The following SH3BP4 variants were observed in gnomAD, a reference collection of about 807,000 sequenced individuals.
SH3BP4 encodes SH3 domain binding protein 4.
In SH3BP4, 33 loss-of-function variants were observed where a neutral mutation model predicts 65.5. The observed-to-expected ratio is 0.50, with a 90% CI of 0.38 to 0.67. The LOEUF is 0.67. Among genes scored for constraint, SH3BP4 ranks in the 30% least tolerant of loss-of-function variants. The pLI is 0.00. For missense variants in SH3BP4, 1,134 were observed against 1,261.4 expected (o/e 0.90, Z 1.53); for synonymous variants, 552 against 545.5 (o/e 1.01, Z -0.17).
Position 234,974,432 on chromosome 2 carries a change from C to G in SH3BP4, c.-206-20871C>G, listed in dbSNP as rs536592048. Among the ~76,000 whole-genome samples, 3 of 152,268 alleles carry G rather than the reference C, an allele frequency of 2.0e-5. No homozygotes were observed. Among genetic ancestry groups the G allele is most frequent in the Admixed American group, 6.5e-5 (1 of 15,296 alleles). On this transcript the variant is annotated intron_variant, in intron 1 of 5. Transcript: ENST00000392011. This position sits in a 1 kb window ranked among gnomAD's most constrained non-coding sequence, Gnocchi z 4.6. ...TCATGAGTTCCAGCCCATTTCACTG[C>G]TCCATAAAATGCTACGTTGGTGAAA...
intron 1 of SH3BP4, among the ~76,000 whole-genome samples, chr2:234,957,715 CG>C (rs982922658): frequency 5.3e-5 from 8 of 151,830 alleles, no homozygotes; most frequent in African/African-American, 1.7e-4. Context: ...GAAAGCTTCC[CG>C]GGTGACTGTA....
At chr2:235,003,474 G>T (rs1017178502) in intron 2 of SH3BP4, among the ~76,000 whole-genome samples, 5 of 152,268 alleles carry the variant, frequency 3.3e-5, no homozygotes, top group Admixed American at 6.5e-5. Flanking sequence ...GAAGGATAGA[G>T]TGTCTGTTTA....
At chr2:234,986,804 A>AT (rs1248183195) in intron 1 of SH3BP4, among the ~76,000 whole-genome samples, 1 of 122,912 alleles carries the variant, frequency 8.1e-6, no homozygotes, top group African/African-American at 3.2e-5. Context: ...TATGCTAATG[A>AT]TTTTATTTTT....
rs7590124 is a variant in SH3BP4, at chr2:235,038,409, A to G, written c.119-2479A>G. Among the ~76,000 whole-genome samples the G allele has an allele frequency of 3.5e-3, 372 of 105,704 alleles. 79 individuals are homozygous for G. Among genetic ancestry groups the G allele is most frequent in the African/African-American group, 0.013 (363 of 27,908 alleles). 69.3% of individuals were successfully genotyped at this position (105,704 alleles called of 152,430 possible). On this transcript the variant is annotated intron_variant, in intron 3 of 5. Coordinates refer to ENST00000392011, the MANE Select transcript of SH3BP4 (RefSeq NM_014521.3). ...TATATATATATATATATATATATAT[A>G]TATATATGAGGTATGTAGAGAAGGA... is the stretch of plus-strand genomic sequence containing the variant.
At chr2:235,043,358 G>A in intron 4 of SH3BP4, 111 bp downstream of exon 4, 2 of 744,890 alleles carry the variant, frequency 2.7e-6, no homozygotes, top group Non-Finnish European at 4.4e-6. Flanking sequence ...CCAGGACAGT[G>A]TCTGTGGCTG....
At chr2:234,968,969 C>G (rs1483132085) in intron 1 of SH3BP4, among the ~76,000 whole-genome samples, 2 of 152,234 alleles carry the variant, frequency 1.3e-5, no homozygotes, top group Non-Finnish European at 2.9e-5. Flanking sequence ...TCACTGCCCT[C>G]TTCTTTGAAG....
chr2:234,958,505 T>C (rs1574770822), intron 1 of SH3BP4, among the ~76,000 whole-genome samples: 1 of 151,912 alleles, frequency 6.6e-6, no homozygotes, highest in African/African-American at 2.4e-5. Flanking sequence ...CTCACTTCCT[T>C]AGAGTTGGGC....
rs922732562 is a variant in SH3BP4 at position 235,033,222 on chromosome 2, C to A, written c.-132-1649C>A. 6.6e-6 allele frequency among the ~76,000 whole-genome samples: 1 copy of A among 152,162 alleles called. No homozygotes were observed. Among genetic ancestry groups the A allele is most frequent in the East Asian group, 1.9e-4 (1 of 5,186 alleles). On this transcript the variant is annotated intron_variant, in intron 2 of 5. Transcript: ENST00000392011. The surrounding 1 kb of genome is among the most constrained non-coding windows in gnomAD (Gnocchi z 5.7). Reference sequence around the variant, plus strand: ...GCTCATCTCTCACGGTTCCAGAGGCCGGAAGTCAAAAGTCAAGGCTCTGGC... The same window carrying A: ...GCTCATCTCTCACGGTTCCAGAGGCAGGAAGTCAAAAGTCAAGGCTCTGGC...
At chr2:235,001,927 C>T (rs911659236) in intron 2 of SH3BP4, among the ~76,000 whole-genome samples, 1 of 152,130 alleles carries the variant, frequency 6.6e-6, no homozygotes, top group African/African-American at 2.4e-5. Context: ...GTGGCGCAAT[C>T]TCACCTCACT....
At chr2:234,980,071 G>A (rs1437147253) in intron 1 of SH3BP4, among the ~76,000 whole-genome samples, 1 of 152,122 alleles carries the variant, frequency 6.6e-6, no homozygotes, top group Non-Finnish European at 1.5e-5. Flanking sequence ...TCGTTTTTTG[G>A]CTGAGCATTA....
At chr2:234,960,669 T>C (rs910569257) in intron 1 of SH3BP4, among the ~76,000 whole-genome samples, 1 of 152,236 alleles carries the variant, frequency 6.6e-6, no homozygotes, top group African/African-American at 2.4e-5. Context: ...ACACTTGAAA[T>C]GCTCAGTTGC....
At chr2:235,040,819 C>T (rs1695607310) in intron 3 of SH3BP4, 69 bp from the exon 4 acceptor site, 1 of 1,392,016 alleles carries the variant, frequency 7.2e-7, no homozygotes, top group Non-Finnish European at 1.0e-6. Flanking sequence ...GTCCTCTCTC[C>T]TTTGGGAAGC....
At chr2:234,979,294 C>G (rs1042551788) in intron 1 of SH3BP4, among the ~76,000 whole-genome samples, 2 of 152,228 alleles carry the variant, frequency 1.3e-5, no homozygotes, top group African/African-American at 4.8e-5. Context: ...TCTCCCCTTC[C>G]TGCAAAAATG....
Position 235,041,631 on chromosome 2 carries a change from C to T in SH3BP4, c.862C>T (p.Leu288=). ...QSREDFRTAW[L]NHRKLARSCH... Reference sequence around the variant, plus strand: ...CCGGGAGGATTTTCGAACTGCCTGGCTAAACCACAGGAAGCTGGCCCGGTC... The same window carrying T: ...CCGGGAGGATTTTCGAACTGCCTGGTTAAACCACAGGAAGCTGGCCCGGTC... Residue 288 remains leucine (L), a synonymous_variant, in exon 4 of 6, where the codon CTA becomes TTA. Transcript: ENST00000392011. The surrounding 1 kb of genome is among the most constrained non-coding windows in gnomAD (Gnocchi z 6.0). 1 of 1,614,018 alleles carries T rather than the reference C, an allele frequency of 6.2e-7. No individual in the cohort carries two copies. Among genetic ancestry groups the T allele is most frequent in the Non-Finnish European group, 8.5e-7 (1 of 1,180,022 alleles).
intron 2 of SH3BP4, among the ~76,000 whole-genome samples, chr2:235,003,954 G>A (rs1283937817): frequency 1.3e-5 from 2 of 152,118 alleles, no homozygotes; most frequent in Non-Finnish European, 2.9e-5. Flanking sequence ...GCCCTCTGTG[G>A]GGTACATTGC....
chr2:234,965,259 C>G (rs540957171), intron 1 of SH3BP4, among the ~76,000 whole-genome samples: 70 of 152,354 alleles, frequency 4.6e-4, no homozygotes, highest in African/African-American at 1.1e-3. Context: ...GCACCTCTCT[C>G]TGGTCAGCTG....
intron 2 of SH3BP4, among the ~76,000 whole-genome samples, chr2:235,018,051 C>T (rs942269647): frequency 6.6e-6 from 1 of 152,028 alleles, no homozygotes; most frequent in Non-Finnish European, 1.5e-5. Flanking sequence ...CCAGGGTGAG[C>T]GGGGGCAGAC....
intron 1 of SH3BP4, among the ~76,000 whole-genome samples, chr2:234,961,585 TGA>T (rs1476346465): frequency 6.6e-6 from 1 of 152,136 alleles, no homozygotes; most frequent in African/African-American, 2.4e-5. Flanking sequence ...ATGTTGGTTT[TGA>T]GCCCCATGCT....
rs766701561 is a variant in SH3BP4, at chr2:235,053,642, C to T, written c.2718C>T (p.Ile906=). 15 of 1,614,166 alleles carry T rather than the reference C, an allele frequency of 9.3e-6. No individual in the cohort carries two copies. Among genetic ancestry groups the T allele is most frequent in the East Asian group, 2.2e-5 (1 of 44,882 alleles). Residue 906 remains isoleucine, a synonymous_variant, in exon 6 of 6, where the codon ATC becomes ATT. Coordinates refer to ENST00000392011, the MANE Select transcript of SH3BP4 (RefSeq NM_014521.3). ...TCTTACTCACCTGGAGCCATCAGAT[C>T]GGGGACAGCTACCGGGATGTCATCC... The part of the protein sequence containing the change: ...YDFLLTWSHQ[I]GDSYRDVIQE...
Sources: allele counts gnomAD v4.1 joint callset (sites outside exome capture counted in the v4.1 genomes callset), GRCh38; gene constraint gnomAD v4.1.1; non-coding constraint Gnocchi (gnomAD v3.1); transcripts MANE v1.5; gene names NCBI Gene and HGNC (gene_info 2026-07-23, HGNC 2026-07-21).